Variants in AACS observed in about 807,000 individuals in gnomAD.
The protein encoded by AACS is acetoacetate-CoA ligase.
AACS carries 69 observed loss-of-function variants against 83.1 expected under a neutral mutation model. The ratio of observed to expected loss-of-function variants is 0.83; its 90% CI spans 0.68 to 1.01. AACS has a LOEUF of 1.01. Ranked by LOEUF, AACS falls within the 50% of genes least tolerant of loss-of-function variation. The pLI, the probability that AACS is intolerant of heterozygous loss-of-function variation, is 0.00. For synonymous variants in AACS, 333 were observed against 343.4 expected (o/e 0.97, Z 0.33); for missense variants, 866 against 882.2 (o/e 0.98, Z 0.23).
chr12:125,114,938 G>A (rs1190613985), intron 9 of AACS, among the ~76,000 whole-genome samples: 5 of 149,970 alleles, frequency 3.3e-5, no homozygotes, highest in African/African-American at 9.8e-5. Flanking sequence ...GGGCTTCCCC[G>A]GGCGCCGGCC....
Position 125,097,340 on chromosome 12 carries a change from G to A in AACS, c.571-5339G>A, listed in dbSNP as rs962216532. On this transcript the variant is annotated intron_variant, in intron 5 of 17. Coordinates refer to ENST00000316519, the MANE Select transcript of AACS (RefSeq NM_023928.5). The surrounding 1 kb of genome is among the most constrained non-coding windows in gnomAD (Gnocchi z 4.3). ...GGGAGGAGGTGGACGGTGACCGAAG[G>A]CCTGATGTCCTGAGGCCAGGGGCCA... is the stretch of plus-strand genomic sequence containing the variant. Among the ~76,000 whole-genome samples the A allele has an allele frequency of 6.6e-6, 1 of 151,998 alleles. No individual in the cohort carries two copies. The highest frequency in any genetic ancestry group is 1.5e-5 in the Non-Finnish European group (1 of 68,008).
intron 16 of AACS, chr12:125,136,332 G>C (rs1039772870): frequency 3.2e-6 from 1 of 312,260 alleles, no homozygotes; most frequent in African/African-American, 2.1e-5. Context: ...TTATAGGCGT[G>C]AGCCACCATG....
At chr12:125,141,657 A>T (rs1957493819) in intron 17 of AACS, 1 of 154,020 alleles carries the variant, frequency 6.5e-6, no homozygotes, top group African/African-American at 2.4e-5. Flanking sequence ...AGATTGCACC[A>T]CTGCACTCCA....
Position 125,113,509 on chromosome 12 carries a change from G to A in AACS, c.916-968G>A, listed in dbSNP as rs1410878354. ...CTCTGCTCTCTGGGTTGTGCCTGGC[G>A]ATGGGAAGCTTCCTCTCCTCCCTGC... On this transcript the variant is annotated intron_variant, in intron 8 of 17. Transcript: ENST00000316519. The surrounding 1 kb of genome is among the most constrained non-coding windows in gnomAD (Gnocchi z 4.8). Among the ~76,000 whole-genome samples the A allele has an allele frequency of 1.3e-5, 2 of 152,200 alleles. No homozygotes were observed. Among genetic ancestry groups the A allele is most frequent in the Non-Finnish European group, 2.9e-5 (2 of 68,040 alleles).
chr12:125,110,018 G>A (rs1465941753), intron 8 of AACS, among the ~76,000 whole-genome samples: 1 of 140,574 alleles, frequency 7.1e-6, no homozygotes, highest in African/African-American at 2.7e-5. Flanking sequence ...TCAATGTGGT[G>A]CTTTGCTTTT....
At chr12:125,092,023 C>T (rs1288732232) in intron 5 of AACS, among the ~76,000 whole-genome samples, 1 of 152,246 alleles carries the variant, frequency 6.6e-6, no homozygotes, top group Non-Finnish European at 1.5e-5. Context: ...CAAACCACCC[C>T]AGGGTGTGTC....
intron 1 of AACS, among the ~76,000 whole-genome samples, chr12:125,072,771 T>C (rs576534905): frequency 6.6e-6 from 1 of 152,296 alleles, no homozygotes; most frequent in Admixed American, 6.5e-5. Context: ...TACATCTCTT[T>C]GTGTCAAGTT....
At chr12:125,139,962 A>G (rs2136146253) in intron 17 of AACS, 1 of 152,260 alleles carries the variant, frequency 6.6e-6, no homozygotes, top group Non-Finnish European at 1.5e-5. Flanking sequence ...CCTCACACCC[A>G]TCTTACTTCC....
intron 3 of AACS, among the ~76,000 whole-genome samples, chr12:125,083,979 A>G (rs895362899): frequency 1.3e-5 from 2 of 152,130 alleles, no homozygotes; most frequent in African/African-American, 2.4e-5. Context: ...GATGCATGCA[A>G]TAACTTAAGT....
At chr12:125,099,163 G>A (rs1956670711) in intron 5 of AACS, among the ~76,000 whole-genome samples, 1 of 152,214 alleles carries the variant, frequency 6.6e-6, no homozygotes, top group African/African-American at 2.4e-5. Context: ...ATAATCATGC[G>A]ATTTCCCCCT....
chr12:125,104,230 G>A (rs1592976578), intron 7 of AACS, among the ~76,000 whole-genome samples: 1 of 152,224 alleles, frequency 6.6e-6, no homozygotes, highest in Non-Finnish European at 1.5e-5. Context: ...CACCTTGTAC[G>A]TGGCTCCTTG....
At chr12:125,128,446 C>T (rs55698814) in intron 13 of AACS, 172 bp downstream of exon 13, 13,520 of 521,608 alleles carry the variant, frequency 0.026, 477 homozygotes, top group East Asian at 0.094. Context: ...TAACACCCGC[C>T]GGGCTTCTGG....
rs74678355 is a variant in AACS, at chr12:125,096,734, C to A, written c.570+5211C>A. 5.4e-3 allele frequency among the ~76,000 whole-genome samples: 819 copies of A among 151,970 alleles called. 42 individuals carry two copies. In the East Asian group the frequency reaches 0.12, roughly 23 times the overall value. The stretch of plus-strand genomic sequence containing the variant: ...CAGGACATGAAAGAGTCTGAGAAAT[C>A]GCTGTGCATGCACTTAGTTAAGTGG... On this transcript the variant is annotated intron_variant, in intron 5 of 17. Coordinates refer to ENST00000316519, the MANE Select transcript of AACS (RefSeq NM_023928.5).
chr12:125,072,399 C>A (rs183437832), intron 1 of AACS, among the ~76,000 whole-genome samples: 4 of 152,166 alleles, frequency 2.6e-5, no homozygotes, highest in African/African-American at 9.7e-5. Context: ...TCTTCCCCAC[C>A]GGGGCTGGGA....
chr12:125,108,834 G>A (rs927814749), intron 8 of AACS, among the ~76,000 whole-genome samples: 63 of 140,892 alleles, frequency 4.5e-4, no homozygotes, highest in African/African-American at 1.5e-3. Flanking sequence ...TGCCCTACTC[G>A]TTTTTTTGTT....
At chr12:125,091,641 G>A in intron 5 of AACS, 118 bp downstream of exon 5, 1 of 1,031,730 alleles carries the variant, frequency 9.7e-7, no homozygotes, top group Non-Finnish European at 1.5e-6. Flanking sequence ...GCGGGAGGAG[G>A]TGGCGTTGCA....
At chr12:125,069,426 G>A (rs1350472943) in intron 1 of AACS, among the ~76,000 whole-genome samples, 1 of 152,208 alleles carries the variant, frequency 6.6e-6, no homozygotes, top group Non-Finnish European at 1.5e-5. Context: ...CTCTGGTAGG[G>A]TTACCCACCC....
chr12:125,106,693 C>T (rs189267972), intron 7 of AACS, among the ~76,000 whole-genome samples: 92 of 152,258 alleles, frequency 6.0e-4, no homozygotes, highest in Non-Finnish European at 1.1e-3. Flanking sequence ...GGAAACAAAG[C>T]GTTTGCTAAT....
chr12:125,080,305 A>G (rs1337639436), intron 3 of AACS, among the ~76,000 whole-genome samples: 1 of 152,226 alleles, frequency 6.6e-6, no homozygotes, highest in African/African-American at 2.4e-5. Context: ...GTAAAGTGGG[A>G]ACGGTCAAAT....
Sources: allele counts gnomAD v4.1 joint callset (sites outside exome capture counted in the v4.1 genomes callset), GRCh38; gene constraint gnomAD v4.1.1; non-coding constraint Gnocchi (gnomAD v3.1); transcripts MANE v1.5; gene names NCBI Gene and HGNC (gene_info 2026-07-23, HGNC 2026-07-21).